LINGO2: variants seen among roughly 807,000 people sequenced by gnomAD.
The protein encoded by LINGO2 is leucine-rich repeat and immunoglobulin-like domain-containing nogo receptor-interacting protein 2.
A neutral mutation model predicts 30.6 loss-of-function variants in LINGO2; 14 were observed. The observed-to-expected ratio is 0.46, with a 90% CI of 0.30 to 0.72. The LOEUF (loss-of-function observed/expected upper bound fraction) is 0.72, where lower values mean the gene tolerates loss of function less well. Among genes scored for constraint, LINGO2 ranks in the 30% least tolerant of loss-of-function variants. The probability of loss-of-function intolerance (pLI) is 0.07; values close to 1 mark genes in which losing one functional copy is unlikely to be tolerated. For synonymous variants in LINGO2, 317 were observed against 288.5 expected (o/e 1.10, Z -1.00); for missense variants, 729 against 751.7 (o/e 0.97, Z 0.35).
chr9:28,434,289 G>A lies in LINGO2; in HGVS notation c.-279+41651C>T, dbSNP rs553652503. Among the ~76,000 whole-genome samples the A allele has an allele frequency of 3.0e-4, 45 of 148,720 alleles. 2 individuals are homozygous for A. The South Asian group carries it at 8.8e-3, about 29-fold the overall frequency. On this transcript the variant is annotated intron_variant, in intron 2 of 5. Coordinates refer to ENST00000379992, the Ensembl canonical transcript of LINGO2. ...ACACACCACTGAAGAACTTATCCAC[G>A]TAACCCAAAATGACCTGTACCCTAA... is the stretch of plus-strand genomic sequence containing the variant.
chr9:28,503,787 G>A (rs1819989312), intron 1 of LINGO2, among the ~76,000 whole-genome samples: 1 of 151,860 alleles, frequency 6.6e-6, no homozygotes, highest in African/African-American at 2.4e-5. Flanking sequence ...CAGAATGTTG[G>A]TGGTGAGCAG....
chr9:27,950,162 G>A (rs771241745), exon 6 of LINGO2: 28 of 1,613,970 alleles, frequency 1.7e-5, no homozygotes, highest in Admixed American at 8.3e-5. Flanking sequence ...TGAATGCCCT[G>A]TGTGATATAT....
intron 1 of LINGO2, among the ~76,000 whole-genome samples, chr9:28,562,773 A>T (rs1050527130): frequency 6.6e-6 from 1 of 152,058 alleles, no homozygotes; most frequent in Non-Finnish European, 1.5e-5. Context: ...CTTTTACTGC[A>T]TTTTACATAT....
chr9:29,202,555 A>T, the LINGO2 span, among the ~76,000 whole-genome samples: 455 of 152,190 alleles, frequency 3.0e-3, 1 homozygote, highest in African/African-American at 0.01. Context: ...AGCTAAATGG[A>T]AAGATGAATA....
chr9:28,552,928 C>A (rs573837282), intron 1 of LINGO2, among the ~76,000 whole-genome samples: 4 of 150,224 alleles, frequency 2.7e-5, no homozygotes, highest in Non-Finnish European at 5.9e-5. Context: ...GATGAAGAAC[C>A]TTTTCTCACA....
intron 2 of LINGO2, among the ~76,000 whole-genome samples, chr9:28,417,020 T>A (rs1822995307): frequency 6.6e-6 from 1 of 152,066 alleles, no homozygotes; most frequent in African/African-American, 2.4e-5. Context: ...AGTACATAAG[T>A]ATGTAGATTG....
chr9:29,070,481 A>C, the LINGO2 span, among the ~76,000 whole-genome samples: 13 of 152,218 alleles, frequency 8.5e-5, no homozygotes, highest in East Asian at 1.9e-4. Flanking sequence ...AGAGGAGAGG[A>C]AAGAACCTGA....
intron 2 of LINGO2, among the ~76,000 whole-genome samples, chr9:28,410,975 G>A (rs766214213): frequency 6.6e-6 from 1 of 152,108 alleles, no homozygotes; most frequent in African/African-American, 2.4e-5. Flanking sequence ...CATGCACAAC[G>A]ACCAAAACTG....
At chr9:29,049,871 T>A in the LINGO2 span, among the ~76,000 whole-genome samples, 15 of 152,058 alleles carry the variant, frequency 9.9e-5, no homozygotes, top group East Asian at 3.9e-4. Flanking sequence ...ATAAATAAGA[T>A]CTACTACTCA....
the LINGO2 span, among the ~76,000 whole-genome samples, chr9:28,977,083 G>C: frequency 6.6e-6 from 1 of 152,066 alleles, no homozygotes; most frequent in African/African-American, 2.4e-5. Flanking sequence ...TAGGAGTTCT[G>C]TAACTTATAT....
intron 2 of LINGO2, among the ~76,000 whole-genome samples, chr9:28,422,828 T>A (rs34550678): frequency 2.0e-5 from 3 of 151,832 alleles, no homozygotes; most frequent in Non-Finnish European, 2.9e-5. Context: ...TACAATGGAG[T>A]ATTTTTCAGG....
chr9:28,818,997 A>G, the LINGO2 span, among the ~76,000 whole-genome samples: 2 of 152,202 alleles, frequency 1.3e-5, no homozygotes, highest in African/African-American at 2.4e-5. Context: ...ACATAAATAC[A>G]TAGTTTTGTT....
chr9:28,549,617 T>C (rs1822163942), intron 1 of LINGO2, among the ~76,000 whole-genome samples: 1 of 152,012 alleles, frequency 6.6e-6, no homozygotes, highest in Non-Finnish European at 1.5e-5. Flanking sequence ...TTACCAATAA[T>C]GGGTATTATC....
rs1402791279 is a variant in LINGO2, at chr9:28,392,381, C to A, written c.-278-19513G>T. On this transcript the variant is annotated intron_variant, in intron 2 of 5. Transcript: ENST00000379992. ...GGAGTCGGGCATGCCTAGATCCTGT[C>A]TGTGCTATTCACTAGCTGTTTGCTC... 5.3e-5 allele frequency among the ~76,000 whole-genome samples: 8 copies of A among 152,160 alleles called. No homozygotes were observed. In the East Asian group the frequency reaches 1.5e-3, roughly 29 times the overall value.
the LINGO2 span, among the ~76,000 whole-genome samples, chr9:29,203,661 A>T: frequency 6.6e-6 from 1 of 152,302 alleles, no homozygotes; most frequent in South Asian, 2.1e-4. Context: ...TGCACAGATT[A>T]CAACGTTGTA....
At chr9:28,087,812 G>T (rs1251653955) in intron 4 of LINGO2, among the ~76,000 whole-genome samples, 1 of 151,940 alleles carries the variant, frequency 6.6e-6, no homozygotes, top group Non-Finnish European at 1.5e-5. Context: ...CACATTTCCA[G>T]TCCTGTAACA....
chr9:28,190,049 T>C (rs947610841), intron 4 of LINGO2, among the ~76,000 whole-genome samples: 1 of 152,162 alleles, frequency 6.6e-6, no homozygotes, highest in African/African-American at 2.4e-5. Context: ...GGCAGAATTG[T>C]AGTGTTGTAA....
At chr9:28,751,739 C>A in the LINGO2 span, among the ~76,000 whole-genome samples, 2 of 151,794 alleles carry the variant, frequency 1.3e-5, no homozygotes, top group African/African-American at 4.9e-5. Flanking sequence ...TACTAGTATA[C>A]AAAACAAGTT....
chr9:28,726,726 G>C, the LINGO2 span, among the ~76,000 whole-genome samples: 2 of 152,202 alleles, frequency 1.3e-5, no homozygotes, highest in Middle Eastern at 3.4e-3. Flanking sequence ...TATTTCAAAA[G>C]AGTCAAAAGA....
Sources: gnomAD v4.1 joint callset for allele counts (sites outside exome capture counted in the v4.1 genomes callset) on GRCh38, gnomAD v4.1.1 for gene constraint, MANE v1.5 for transcripts, NCBI Gene and HGNC (gene_info 2026-07-23, HGNC 2026-07-21) for gene names.